The following SPECC1 variants were observed in gnomAD, a reference collection of about 807,000 sequenced individuals.
SPECC1 encodes the protein cytospin-B.
Under a neutral mutation model 104.1 loss-of-function variants are expected in SPECC1, and 62 were observed. The ratio of observed to expected loss-of-function variants is 0.60; its 90% CI spans 0.49 to 0.74. The LOEUF (loss-of-function observed/expected upper bound fraction) is 0.74. Ranked by LOEUF, SPECC1 falls within the 30% of genes least tolerant of loss-of-function variation. The pLI is 0.00. For missense variants in SPECC1, 1,306 were observed against 1,310.5 expected, an observed-to-expected ratio of 1.00 and a Z score of 0.05; for synonymous variants, 513 against 501.6, an observed-to-expected ratio of 1.02 and a Z score of -0.30.
At chr17:20,165,877 A>C (rs1451933296) in intron 3 of SPECC1, among the ~76,000 whole-genome samples, 1 of 149,942 alleles carries the variant, frequency 6.7e-6, no homozygotes. Flanking sequence ...TCCTTTGCCC[A>C]CTTTTTAATG....
intron 1 of SPECC1, among the ~76,000 whole-genome samples, chr17:20,048,909 A>G (rs79326280): frequency 5.3e-5 from 8 of 152,096 alleles, no homozygotes; most frequent in African/African-American, 1.9e-4. Context: ...AAAAAAAAAA[A>G]TTCCCAGACA....
chr17:20,232,057 G>C (rs996172730), intron 6 of SPECC1, 143 bp from the exon 7 acceptor site: 1 of 1,020,174 alleles, frequency 9.8e-7, no homozygotes, highest in South Asian at 1.5e-5. Context: ...CCTTTTCCTA[G>C]CAGTGAGCCA....
At chr17:20,181,559 T>G (rs1272362096) in intron 3 of SPECC1, among the ~76,000 whole-genome samples, 1 of 152,136 alleles carries the variant, frequency 6.6e-6, no homozygotes, top group Non-Finnish European at 1.5e-5. Context: ...ATATAAAACC[T>G]GAAGTATTAT....
chr17:20,261,775 T>G (rs1014447720), intron 12 of SPECC1, among the ~76,000 whole-genome samples: 2 of 152,242 alleles, frequency 1.3e-5, no homozygotes, highest in Admixed American at 1.3e-4. Flanking sequence ...GATGTAAGTT[T>G]AAGTTTTTTT....
chr17:20,183,428 C>A (rs1035030167), intron 3 of SPECC1, among the ~76,000 whole-genome samples: 13 of 152,132 alleles, frequency 8.5e-5, no homozygotes, highest in Non-Finnish European at 1.5e-4. Flanking sequence ...AATTGCAGTA[C>A]TTTTTTTGTT....
At chr17:20,125,134 C>T (rs1015194213) in intron 3 of SPECC1, among the ~76,000 whole-genome samples, 3 of 152,032 alleles carry the variant, frequency 2.0e-5, no homozygotes, top group Non-Finnish European at 4.4e-5. Context: ...GAGCCGAGAT[C>T]GCGCCACTGC....
intron 3 of SPECC1, among the ~76,000 whole-genome samples, chr17:20,160,537 C>G (rs1337586239): frequency 6.6e-6 from 1 of 152,150 alleles, no homozygotes; most frequent in Non-Finnish European, 1.5e-5. Flanking sequence ...CCATTCTCAA[C>G]CACATTTGCA....
chr17:20,313,029 A>C (rs1000145947), intron 14 of SPECC1, among the ~76,000 whole-genome samples: 2 of 152,198 alleles, frequency 1.3e-5, no homozygotes, highest in African/African-American at 4.8e-5. Flanking sequence ...ACAGAATCCA[A>C]ATTCAATCCC....
At chr17:20,100,017 A>G (rs1474865238) in intron 2 of SPECC1, among the ~76,000 whole-genome samples, 1 of 152,182 alleles carries the variant, frequency 6.6e-6, no homozygotes, top group Non-Finnish European at 1.5e-5. Flanking sequence ...ATTACTTATG[A>G]TACCTCATGC....
chr17:20,204,838 A>C lies in SPECC1; in HGVS notation c.789A>C (p.Ser263=). 6.2e-7 allele frequency: 1 copy of C among 1,614,096 alleles called. No homozygotes were observed. Among genetic ancestry groups the C allele is most frequent in the Non-Finnish European group, 8.5e-7 (1 of 1,180,030 alleles). ...KLIYLEHSPN[S]EGAASHTGDS... Reference sequence around the variant, plus strand: ...TCTATCTTGAGCACTCCCCAAATTCAGAAGGGGCAGCAAGTCACACTGGCG... The same window carrying C: ...TCTATCTTGAGCACTCCCCAAATTCCGAAGGGGCAGCAAGTCACACTGGCG... The change falls in exon 4 of 15, where the codon TCA becomes TCC. Residue 263 remains serine, a synonymous_variant. Transcript: ENST00000395527.
At chr17:20,201,474 T>TC (rs1321522235) in intron 3 of SPECC1, among the ~76,000 whole-genome samples, 1 of 151,854 alleles carries the variant, frequency 6.6e-6, no homozygotes, top group Admixed American at 6.6e-5. Context: ...AGAGCAAAAC[T>TC]CCATCTCAAA....
At chr17:20,041,241 ATC>A (rs2045313863) in intron 1 of SPECC1, among the ~76,000 whole-genome samples, 1 of 152,096 alleles carries the variant, frequency 6.6e-6, no homozygotes, top group Non-Finnish European at 1.5e-5. Context: ...TAAAATATGT[ATC>A]TATTTTTTTG....
intron 3 of SPECC1, among the ~76,000 whole-genome samples, chr17:20,198,490 A>G (rs2036187933): frequency 6.6e-6 from 1 of 152,224 alleles, no homozygotes; most frequent in Admixed American, 6.5e-5. Flanking sequence ...AGGGAAGAAA[A>G]AGTTCCCCAT....
chr17:20,010,877 T>C (rs2152424654), intron 1 of SPECC1, among the ~76,000 whole-genome samples: 1 of 152,346 alleles, frequency 6.6e-6, no homozygotes, highest in South Asian at 2.1e-4. Flanking sequence ...GTTTAAAAAG[T>C]CAAGGGTGGG....
Position 20,172,760 on chromosome 17 carries a change from C to T in SPECC1, c.284-31573C>T, listed in dbSNP as rs182287617. Among the ~76,000 whole-genome samples, 240 of 152,298 alleles carry T rather than the reference C, an allele frequency of 1.6e-3. 2 individuals are homozygous for T. The highest frequency in any genetic ancestry group is 5.4e-3 in the African/African-American group (225 of 41,556). ...TTGATGAGTTTTAATCTGCTTTACC[C>T]CTCAAGGCTGTAAGAGTCAGATCTG... On this transcript the variant is annotated intron_variant, in intron 3 of 14. Coordinates refer to ENST00000395527, the MANE Select transcript of SPECC1 (RefSeq NM_001243439.2).
At chr17:20,067,234 T>C (rs1433299246) in intron 1 of SPECC1, 1 of 152,084 alleles carries the variant, frequency 6.6e-6, no homozygotes, top group East Asian at 1.9e-4. Flanking sequence ...AACCTCCGCC[T>C]CCCAGGTTCA....
intron 12 of SPECC1, 50 bp downstream of exon 12, chr17:20,260,344 C>T: frequency 6.6e-7 from 1 of 1,519,644 alleles, no homozygotes; most frequent in Non-Finnish European, 9.1e-7. Context: ...CAGTAGTAGT[C>T]CTGTGCCAAT....
At chr17:20,130,389 G>A (rs1162411806) in intron 3 of SPECC1, among the ~76,000 whole-genome samples, 1 of 152,140 alleles carries the variant, frequency 6.6e-6, no homozygotes, top group East Asian at 1.9e-4. Context: ...AAAAAAATTA[G>A]CTGGGTATGG....
intron 3 of SPECC1, among the ~76,000 whole-genome samples, chr17:20,139,068 T>A (rs761055050): frequency 4.6e-5 from 7 of 152,206 alleles, no homozygotes; most frequent in Non-Finnish European, 8.8e-5. Context: ...GAGGTACTCA[T>A]TCTCTACAAG....
Sources: allele counts gnomAD v4.1 joint callset (sites outside exome capture counted in the v4.1 genomes callset), GRCh38; gene constraint gnomAD v4.1.1; transcripts MANE v1.5; gene names NCBI Gene and HGNC (gene_info 2026-07-23, HGNC 2026-07-21).